Variants in COL4A1 observed in about 807,000 individuals in gnomAD.
COL4A1 encodes collagen type IV alpha 1 chain.
A neutral mutation model predicts 216.6 loss-of-function variants in COL4A1; 40 were observed. The observed-to-expected ratio is 0.18, with a 90% CI of 0.14 to 0.24. The LOEUF is 0.24. Among genes scored for constraint, COL4A1 ranks in the 10% least tolerant of loss-of-function variants. COL4A1 has a pLI of 1.00. For missense variants in COL4A1, 1,628 were observed against 2,196.8 expected (o/e 0.74, Z 5.18); for synonymous variants, 839 against 810.7 (o/e 1.03, Z -0.59).
Position 110,286,263 on chromosome 13 carries a change from C to T in COL4A1, c.84+20681G>A, listed in dbSNP as rs60586760. ...CTTGACACTGGAGGGGAAATGGGGG[C>T]TTGGGATCACACCCAGGCCAATAAC... On this transcript the variant is annotated intron_variant, in intron 1 of 51. Transcript: ENST00000375820. Among the ~76,000 whole-genome samples the T allele has an allele frequency of 4.4e-3, 668 of 152,276 alleles. 7 individuals are homozygous for T. Among genetic ancestry groups the T allele is most frequent in the African/African-American group, 0.015 (641 of 41,552 alleles).
chr13:110,269,896 G>A (rs551864559), intron 1 of COL4A1, among the ~76,000 whole-genome samples: 1 of 152,178 alleles, frequency 6.6e-6, no homozygotes, highest in South Asian at 2.1e-4. Flanking sequence ...TCACATACAG[G>A]GTGAAATGTC....
chr13:110,152,102 GA>G (rs1198224460), intron 51 of COL4A1, among the ~76,000 whole-genome samples: 2 of 152,032 alleles, frequency 1.3e-5, no homozygotes, highest in Admixed American at 6.5e-5. Context: ...AGAAAAAATG[GA>G]AAATGACCTT....
chr13:110,166,255 T>C lies in COL4A1; in HGVS notation c.3998A>G (p.Asp1333Gly), dbSNP rs1178431725. 3 of 1,611,660 alleles carry C rather than the reference T, an allele frequency of 1.9e-6. No homozygotes were observed. Among genetic ancestry groups the C allele is most frequent in the Non-Finnish European group, 2.5e-6 (3 of 1,177,822 alleles). Residue 1333 changes from aspartate (D) to glycine (G), a missense_variant, in exon 45 of 52, where the codon GAT becomes GGT. Asp to Gly is a moderately conservative substitution (Grantham distance 94). This residue lies in a region of COL4A1 where 345 missense variants were observed against 476.9 expected (regional missense o/e 0.72). Coordinates refer to ENST00000375820, the MANE Select transcript of COL4A1 (RefSeq NM_001845.6). ...GLQGIKGDQG[D>G]QGVPGAKGLP... is the part of the protein sequence containing the mutation. ...ACCTTTAGCTCCCGGGACGCCTTGA[T>C]CGCCTTGATCACCTTTAATTCCCTG...
chr13:110,167,794 T>G (rs1017226378), intron 43 of COL4A1, among the ~76,000 whole-genome samples: 2 of 152,202 alleles, frequency 1.3e-5, no homozygotes, highest in Non-Finnish European at 2.9e-5. Context: ...TTCTTTCCAT[T>G]TCAACAAGTC....
intron 26 of COL4A1, 115 bp downstream of exon 26, chr13:110,186,270 A>G: frequency 7.5e-7 from 1 of 1,342,140 alleles, no homozygotes; most frequent in Non-Finnish European, 1.1e-6. Context: ...GGAAGAATCA[A>G]AGCCAAGTGT....
At chr13:110,209,514 C>A in intron 10 of COL4A1, 87 bp from the exon 11 acceptor site, 1 of 940,990 alleles carries the variant, frequency 1.1e-6, no homozygotes, top group South Asian at 1.5e-5. Flanking sequence ...TCTTAAGATT[C>A]TCTGGTCAAC....
chr13:110,194,938 A>C (rs1878816930), intron 22 of COL4A1, 85 bp downstream of exon 22: 5 of 1,135,746 alleles, frequency 4.4e-6, no homozygotes, highest in African/African-American at 1.5e-5. Context: ...GCCCACCCCC[A>C]CTTGGCTCCA....
At chr13:110,201,615 G>C in intron 18 of COL4A1, 93 bp from the exon 19 acceptor site, 4 of 1,105,064 alleles carry the variant, frequency 3.6e-6, no homozygotes, top group Non-Finnish European at 5.6e-6. Context: ...GTACATATTT[G>C]TTTTTATTTC....
chr13:110,175,495 G>T, intron 36 of COL4A1, 138 bp from the exon 37 acceptor site: 2 of 1,441,818 alleles, frequency 1.4e-6, no homozygotes, highest in Non-Finnish European at 9.4e-7. Context: ...TGAGATACAA[G>T]AATGCACATC....
intron 20 of COL4A1, among the ~76,000 whole-genome samples, chr13:110,199,293 T>A (rs1879053289): frequency 6.6e-6 from 1 of 151,982 alleles, no homozygotes; most frequent in Admixed American, 6.6e-5. Flanking sequence ...CAGGCTATGA[T>A]GAGGAGAGTG....
chr13:110,195,001 T>A (rs766477699), intron 22 of COL4A1, 22 bp downstream of exon 22: 20 of 1,607,526 alleles, frequency 1.2e-5, no homozygotes, highest in African/African-American at 8.0e-5. Flanking sequence ...ACCACCATTT[T>A]AAAAAAATCA....
chr13:110,259,655 A>T (rs895835625), intron 1 of COL4A1, among the ~76,000 whole-genome samples: 1 of 152,266 alleles, frequency 6.6e-6, no homozygotes, highest in Non-Finnish European at 1.5e-5. Flanking sequence ...CATAAAAACA[A>T]GTGAAACTAA....
intron 22 of COL4A1, among the ~76,000 whole-genome samples, chr13:110,193,440 G>A (rs528103757): frequency 1.3e-5 from 2 of 152,240 alleles, no homozygotes; most frequent in African/African-American, 4.8e-5. Flanking sequence ...TGAAAAAGGA[G>A]AGGAGATGCT....
In COL4A1 at chr13:110,192,868, C is replaced by T. The variant is rs376673751; in HGVS notation, c.1427G>A (p.Arg476Gln). ...GGGTCCCTGTGGCCCGGGAGGCCCC[C>T]GATATCCGTCTATATCACAGATGAG... ...SCLICDIDGY[R>Q]GPPGPQGPPG... Residue 476 changes from arginine (R) to glutamine (Q), a missense_variant, in exon 23 of 52, where the codon CGG becomes CAG. Coordinates refer to ENST00000375820, the MANE Select transcript of COL4A1 (RefSeq NM_001845.6). 1.7e-5 allele frequency: 27 copies of T among 1,613,954 alleles called. No homozygotes were observed. The highest frequency in any genetic ancestry group is 1.2e-4 in the African/African-American group (9 of 74,884).
At chr13:110,243,931 TACA>T (rs1331147746) in intron 1 of COL4A1, among the ~76,000 whole-genome samples, 1 of 152,220 alleles carries the variant, frequency 6.6e-6, no homozygotes. Context: ...AATACGTCGG[TACA>T]TACACGCACT....
chr13:110,198,008 T>C (rs1878982070), intron 21 of COL4A1, among the ~76,000 whole-genome samples: 1 of 152,082 alleles, frequency 6.6e-6, no homozygotes, highest in African/African-American at 2.4e-5. Flanking sequence ...TTTTCTGGAA[T>C]AAAAGCTGGC....
chr13:110,295,438 T>G (rs1884238455), intron 1 of COL4A1, among the ~76,000 whole-genome samples: 1 of 149,240 alleles, frequency 6.7e-6, no homozygotes, highest in Non-Finnish European at 1.5e-5. Flanking sequence ...TTTTTTTTTT[T>G]TTTTTTGACA....
At position 110,253,457 on chromosome 13, in the gene COL4A1, T is replaced by A. The variant is rs12877981; in HGVS notation, c.85-10723A>T. Among the ~76,000 whole-genome samples, 5 of 33,380 alleles carry A rather than the reference T, an allele frequency of 1.5e-4. 1 individual carries two copies. Among genetic ancestry groups the A allele is most frequent in the South Asian group, 1.2e-3 (1 of 846 alleles). 21.9% of individuals were successfully genotyped at this position (33,380 alleles called of 152,430 possible). ...TGTATTACATATACATATAATTATATGTATTACATATACATATAATTATAT... is the reference window on the plus strand; with the variant it reads ...TGTATTACATATACATATAATTATAAGTATTACATATACATATAATTATAT... On this transcript the variant is annotated intron_variant, in intron 1 of 51. Transcript: ENST00000375820.
intron 36 of COL4A1, among the ~76,000 whole-genome samples, 200 bp from the exon 37 acceptor site, chr13:110,175,557 C>A (rs1877843368): frequency 6.6e-6 from 1 of 152,244 alleles, no homozygotes; most frequent in Admixed American, 6.5e-5. Flanking sequence ...ACCCAGATCA[C>A]ATCAGAGCCA....
Sources: gnomAD v4.1 joint callset for allele counts (sites outside exome capture counted in the v4.1 genomes callset) on GRCh38, gnomAD v4.1.1 for gene constraint, gnomAD v4.1.1 regional missense constraint, MANE v1.5 for transcripts, NCBI Gene and HGNC (gene_info 2026-07-23, HGNC 2026-07-21) for gene names.